NMUR2: variants seen among roughly 807,000 people sequenced by gnomAD.
NMUR2 encodes the protein neuromedin U receptor 2, also known as neuromedin-U receptor 2.
In NMUR2, 24 loss-of-function variants were observed where a neutral mutation model predicts 25.1. That is an observed-to-expected ratio of 0.96 (90% CI 0.69 to 1.34). The LOEUF (loss-of-function observed/expected upper bound fraction) is 1.34. Ranked by LOEUF, NMUR2 falls within the 40% of genes most tolerant of loss-of-function variation. The pLI, the probability that NMUR2 is intolerant of heterozygous loss-of-function variation, is 0.00. For missense variants in NMUR2, 533 were observed against 512.8 expected, an observed-to-expected ratio of 1.04 and a Z score of -0.38; for synonymous variants, 218 against 208.1, an observed-to-expected ratio of 1.05 and a Z score of -0.41.
At position 152,405,279 on chromosome 5, in the gene NMUR2, T is replaced by G; in HGVS notation, c.-166A>C. The G allele has an allele frequency of 1.3e-6, 1 of 778,402 alleles. No homozygotes were observed. The highest frequency in any genetic ancestry group is 2.0e-6 in the Non-Finnish European group (1 of 507,196). The allele number at this position is 778,402 out of a possible 1,614,324, so 48.2% of individuals were successfully genotyped here. On this transcript the variant is annotated 5_prime_UTR_variant, in exon 1 of 4. Transcript: ENST00000255262. The stretch of plus-strand genomic sequence containing the variant: ...AGAGTGAGTGTTTCACCCTCCAGGT[T>G]AGGCTGCCTGGACCGCCGATCCCTT...
chr5:152,395,390 A>C (rs1753130814), intron 3 of NMUR2, 69 bp downstream of exon 3: 1 of 1,574,270 alleles, frequency 6.4e-7, no homozygotes, highest in African/African-American at 1.3e-5. Flanking sequence ...TTAGGCATCT[A>C]AGCAAGATGA....
Position 152,395,562 on chromosome 5 carries a change from A to G in NMUR2, c.834T>C (p.Ala278=), listed in dbSNP as rs1753134022. The change falls in exon 3 of 4, where the codon GCT becomes GCC. Residue 278 remains alanine, a synonymous_variant. Coordinates refer to ENST00000255262, the MANE Select transcript of NMUR2 (RefSeq NM_020167.5). ...KMLFVLVLVF[A]ICWAPFHIDR... is the part of the protein sequence containing the mutation. ...CAATGTGGAACGGGGCCCAACAGAT[A>G]GCAAACACTAAGACCAAGACAACTG... is the stretch of plus-strand genomic sequence containing the variant. 2 of 1,613,676 alleles carry G rather than the reference A, an allele frequency of 1.2e-6. No homozygotes were observed. The highest frequency in any genetic ancestry group is 8.5e-7 in the Non-Finnish European group (1 of 1,179,776).
rs370690181 is a variant in NMUR2 at position 152,402,202 on chromosome 5, G to A, written c.726+2186C>T. Among the ~76,000 whole-genome samples, 40 of 152,230 alleles carry A rather than the reference G, an allele frequency of 2.6e-4. No homozygotes were observed. The East Asian group carries it at 5.2e-3, about 20-fold the overall frequency. The stretch of plus-strand genomic sequence containing the variant: ...TCTGGGAGAGCTTCCCTGAGGAAGC[G>A]TGTTGAAGTATGACACAGAGAATAA... On this transcript the variant is annotated intron_variant, in intron 1 of 3. Coordinates refer to ENST00000255262, the MANE Select transcript of NMUR2 (RefSeq NM_020167.5).
In NMUR2 at chr5:152,392,349, TG is replaced by T; in HGVS notation, c.1089del (p.Asn363LysfsTer4). 1 of 1,614,042 alleles carries T rather than the reference TG, an allele frequency of 6.2e-7. No homozygotes were observed. The highest frequency in any genetic ancestry group is 8.5e-7 in the Non-Finnish European group (1 of 1,179,952). On this transcript the variant is annotated frameshift_variant, in exon 4 of 4. Coordinates refer to ENST00000255262, the MANE Select transcript of NMUR2 (RefSeq NM_020167.5). LOFTEE classifies it low-confidence loss of function (END_TRUNC). Reference sequence around the variant, plus strand: ...ACAAAGTGGCATTCTGTCAGGAAGATGTTCCGCTGGGCAGGTGGCAACTGTG... The same window carrying T: ...ACAAAGTGGCATTCTGTCAGGAAGATTTCCGCTGGGCAGGTGGCAACTGTG... ...HDPQLPPAQR[N>X]IFLTECHFVE...
At chr5:152,404,278 T>C in intron 1 of NMUR2, 110 bp downstream of exon 1, 1 of 1,323,808 alleles carries the variant, frequency 7.6e-7, no homozygotes, top group Non-Finnish European at 1.0e-6. Flanking sequence ...CTATTTTCCC[T>C]CTGTTCCCTT....
intron 1 of NMUR2, 109 bp downstream of exon 1, chr5:152,404,279 C>T (rs1180799093): frequency 3.7e-5 from 49 of 1,333,106 alleles, no homozygotes; most frequent in Non-Finnish European, 5.0e-5. Flanking sequence ...TATTTTCCCT[C>T]TGTTCCCTTC....
chr5:152,399,100 T>A (rs1461868843), intron 1 of NMUR2, among the ~76,000 whole-genome samples: 1 of 147,690 alleles, frequency 6.8e-6, no homozygotes, highest in East Asian at 1.9e-4. Context: ...GTTGTGGAAG[T>A]TTTTCTCTTT....
intron 1 of NMUR2, among the ~76,000 whole-genome samples, chr5:152,400,082 A>G (rs1430412407): frequency 2.6e-5 from 4 of 152,180 alleles, no homozygotes; most frequent in Non-Finnish European, 5.9e-5. Context: ...AACTTCAGCA[A>G]ATCCATATCC....
In NMUR2 at chr5:152,391,935, C is replaced by T. The variant is rs567394602; in HGVS notation, c.*256G>A. On this transcript the variant is annotated 3_prime_UTR_variant, in exon 4 of 4. Transcript: ENST00000255262. ...TATAGGTGCCATGCCTTTCCAGTCA[C>T]GTTCTTGGCATGAACTAGTGAAGGG... The T allele has an allele frequency of 5.1e-5, 19 of 375,388 alleles. No homozygotes were observed. The highest frequency in any genetic ancestry group is 2.6e-4 in the African/African-American group (13 of 49,148). 23.3% of individuals were successfully genotyped at this position (375,388 alleles called of 1,614,324 possible). A position where few individuals can be genotyped will look rare whatever the true frequency, so the allele number is the denominator to read the frequency against.
Position 152,391,814 on chromosome 5 carries a change from T to C in NMUR2, c.*377A>G, listed in dbSNP as rs182211154. 8.7e-4 allele frequency: 158 copies of C among 181,948 alleles called. 2 individuals carry two copies. In the East Asian group the frequency reaches 0.021, roughly 24 times the overall value. The allele number at this position is 181,948 out of a possible 1,614,324, so 11.3% of individuals were successfully genotyped here. A position where few individuals can be genotyped will look rare whatever the true frequency, so the allele number is the denominator to read the frequency against. ...ACAGCACGTACATGTCTTCCTTCTG[T>C]GGCTCACAGTGGCCATTGGTAGTAG... On this transcript the variant is annotated 3_prime_UTR_variant, in exon 4 of 4. Coordinates refer to ENST00000255262, the MANE Select transcript of NMUR2 (RefSeq NM_020167.5).
rs756827531 is a variant in NMUR2, at chr5:152,404,432, G to C, written c.682C>G (p.Pro228Ala). Residue 228 changes from proline (P) to alanine (A), a missense_variant, in exon 1 of 4, where the codon CCC (proline) becomes GCC (alanine). Transcript: ENST00000255262. ...TAGAGGACACTGATGACAGTCATGG[G>C]GAGGAGGTAGAATAGGAAGGAGGTG... ...QVTSFLFYLLPMTVISVLYYL... is the reference protein window; with the variant it reads ...QVTSFLFYLLAMTVISVLYYL... 1.2e-6 allele frequency: 2 copies of C among 1,614,066 alleles called. No homozygotes were observed. The highest frequency in any genetic ancestry group is 1.7e-4 in the Middle Eastern group (1 of 6,060).
At position 152,404,918 on chromosome 5, in the gene NMUR2, C is replaced by T; in HGVS notation, c.196G>A (p.Val66Met). Residue 66 changes from valine to methionine, a missense_variant, in exon 1 of 4, where the codon GTG becomes ATG. Transcript: ENST00000255262. Reference protein sequence around the residue: ...FVVGVIGNVLVCLVILQHQAM... With the variant: ...FVVGVIGNVLMCLVILQHQAM... ...TGGTGCTGCAGAATCACCAGGCACA[C>T]CAGGACATTGCCAATGACCCCCACC... 1 of 1,614,000 alleles carries T rather than the reference C, an allele frequency of 6.2e-7. No individual in the cohort carries two copies. Among genetic ancestry groups the T allele is most frequent in the Non-Finnish European group, 8.5e-7 (1 of 1,179,992 alleles).
At chr5:152,401,746 A>G (rs1284020806) in intron 1 of NMUR2, among the ~76,000 whole-genome samples, 1 of 152,208 alleles carries the variant, frequency 6.6e-6, no homozygotes, top group Non-Finnish European at 1.5e-5. Context: ...AGCCTGGAGA[A>G]CAGCTCAGTG....
At position 152,395,511 on chromosome 5, in the gene NMUR2, C is replaced by A. The variant is rs1428023268; in HGVS notation, c.885G>T (p.Glu295Asp). ...HIDRLFFSFV[E>D]EWSESLAAVF... ...CAGCAGCCAGGGATTCACTCCACTC[C>A]TCCACAAAGCTGAAGAAGAGTCGGT... The change falls in exon 3 of 4, where the codon GAG (glutamate) becomes GAT (aspartate). Residue 295 changes from glutamate to aspartate, a missense_variant. Glu to Asp is a conservative substitution (Grantham distance 45). Transcript: ENST00000255262. 3 of 1,613,604 alleles carry A rather than the reference C, an allele frequency of 1.9e-6. No individual in the cohort carries two copies. Among genetic ancestry groups the A allele is most frequent in the South Asian group, 2.2e-5 (2 of 91,052 alleles).
chr5:152,397,328 A>G (rs1753170738), intron 2 of NMUR2, among the ~76,000 whole-genome samples: 1 of 152,134 alleles, frequency 6.6e-6, no homozygotes, highest in South Asian at 2.1e-4. Flanking sequence ...CTCCTCTCAT[A>G]TAGTAGTGCT....
At position 152,392,566 on chromosome 5, in the gene NMUR2, A is replaced by C. The variant is rs555150874; in HGVS notation, c.938-65T>G. 12 of 1,306,018 alleles carry C rather than the reference A, an allele frequency of 9.2e-6. No individual in the cohort carries two copies. In the African/African-American group the frequency reaches 1.8e-4, roughly 19 times the overall value. 80.9% of individuals were successfully genotyped at this position (1,306,018 alleles called of 1,614,324 possible). A position where few individuals can be genotyped will look rare whatever the true frequency, so the allele number is the denominator to read the frequency against. Reference sequence around the variant, plus strand: ...CTTAAGTGACCGGCATGAAGGAAGAAGCATAAATATTTACAAAGGCCTAGA... The same window carrying C: ...CTTAAGTGACCGGCATGAAGGAAGACGCATAAATATTTACAAAGGCCTAGA... On this transcript the variant is annotated intron_variant, in intron 3 of 3. Transcript: ENST00000255262.
chr5:152,398,690 C>A lies in NMUR2; in HGVS notation c.727-546G>T, dbSNP rs183016741. Among the ~76,000 whole-genome samples the A allele has an allele frequency of 2.6e-5, 4 of 152,256 alleles. No individual in the cohort carries two copies. In the East Asian group the frequency reaches 7.7e-4, roughly 29 times the overall value. On this transcript the variant is annotated intron_variant, in intron 1 of 3. Transcript: ENST00000255262. ...TTTCCACTTAGCTCCCCTCTACCTT[C>A]CACACTCACATCACCTACTCATATC...
At chr5:152,393,016 T>C (rs1160613166) in intron 3 of NMUR2, among the ~76,000 whole-genome samples, 2 of 152,216 alleles carry the variant, frequency 1.3e-5, no homozygotes, top group Non-Finnish European at 2.9e-5. Flanking sequence ...TTTCCCTTGA[T>C]GGTTCCTCCA....
In NMUR2 at chr5:152,404,732, T is replaced by A; in HGVS notation, c.382A>T (p.Thr128Ser). 1 of 1,614,048 alleles carries A rather than the reference T, an allele frequency of 6.2e-7. No individual in the cohort carries two copies. Among genetic ancestry groups the A allele is most frequent in the Non-Finnish European group, 8.5e-7 (1 of 1,180,000 alleles). Residue 128 changes from threonine (T) to serine (S), a missense_variant, in exon 1 of 4, where the codon ACC becomes TCC. Physicochemically the swap from Thr to Ser is moderately conservative, Grantham distance 58. Coordinates refer to ENST00000255262, the MANE Select transcript of NMUR2 (RefSeq NM_020167.5). ...GCYFKTALFETVCFASILSIT... is the reference protein window; with the variant it reads ...GCYFKTALFESVCFASILSIT... The stretch of plus-strand genomic sequence containing the variant: ...CTGAGGATGGAGGCGAAGCACACGG[T>A]CTCAAAGAGGGCCGTCTTGAAGTAG...
Sources: allele counts gnomAD v4.1 joint callset (sites outside exome capture counted in the v4.1 genomes callset), GRCh38; gene constraint gnomAD v4.1.1; transcripts MANE v1.5; gene names NCBI Gene and HGNC (gene_info 2026-07-23, HGNC 2026-07-21).